Variants in GMDS observed in about 807,000 individuals in gnomAD.
The protein encoded by GMDS is GDP-mannose 4,6 dehydratase.
A neutral mutation model predicts 49.9 loss-of-function variants in GMDS; 20 were observed. The observed-to-expected ratio is 0.40, with a 90% confidence interval of 0.28 to 0.58. The LOEUF is 0.58. Among genes scored for constraint, GMDS ranks in the 20% least tolerant of loss-of-function variants. The pLI is 0.42. For missense variants in GMDS, 362 were observed against 481.4 expected (o/e 0.75, Z 2.32); for synonymous variants, 177 against 178.6 (o/e 0.99, Z 0.07).
chr6:2,152,941 G>A (rs757461568), intron 1 of GMDS, among the ~76,000 whole-genome samples: 7 of 152,118 alleles, frequency 4.6e-5, no homozygotes, highest in Non-Finnish European at 8.8e-5. Flanking sequence ...TTAGCCAGGC[G>A]TGGTGGTGGG....
chr6:1,894,909 CT>C, intron 7 of GMDS, among the ~76,000 whole-genome samples: 1 of 152,288 alleles, frequency 6.6e-6, no homozygotes, highest in East Asian at 1.9e-4. Flanking sequence ...TACTGAAAAT[CT>C]TACCCTCAAA....
chr6:2,127,623 G>C (rs540920224), intron 1 of GMDS, among the ~76,000 whole-genome samples: 3 of 152,330 alleles, frequency 2.0e-5, no homozygotes, highest in African/African-American at 7.2e-5. Flanking sequence ...TTCCTTGCCA[G>C]GCCTCTCGAG....
intron 7 of GMDS, among the ~76,000 whole-genome samples, chr6:1,846,824 T>G (rs1052921298): frequency 2.6e-5 from 4 of 152,150 alleles, no homozygotes; most frequent in African/African-American, 9.7e-5. Flanking sequence ...ACTTAGAACA[T>G]TTATGTACAG....
At chr6:1,854,657 T>C (rs957134580) in intron 7 of GMDS, among the ~76,000 whole-genome samples, 1 of 152,186 alleles carries the variant, frequency 6.6e-6, no homozygotes, top group African/African-American at 2.4e-5. Context: ...GCCATTCTCA[T>C]TCAGCATGTG....
intron 1 of GMDS, among the ~76,000 whole-genome samples, chr6:2,233,499 G>C (rs535273380): frequency 2.0e-5 from 3 of 152,290 alleles, no homozygotes; most frequent in African/African-American, 7.2e-5. Context: ...AAGTAAACAG[G>C]TGTTCTATGC....
chr6:1,970,427 C>T (rs952252458), intron 4 of GMDS, among the ~76,000 whole-genome samples: 26 of 152,232 alleles, frequency 1.7e-4, no homozygotes, highest in African/African-American at 6.0e-4. Context: ...GCCCCCGCCC[C>T]GCTCCAGAGC....
At chr6:2,068,533 A>C (rs539597651) in intron 4 of GMDS, among the ~76,000 whole-genome samples, 3,729 of 152,164 alleles carry the variant, frequency 0.025, 140 homozygotes, top group African/African-American at 0.084. Context: ...TCTCAGCCCA[A>C]AATCTCCTTA....
At position 2,178,517 on chromosome 6, in the gene GMDS, C is replaced by A. The variant is rs536110244; in HGVS notation, c.103-53786G>T. On this transcript the variant is annotated intron_variant, in intron 1 of 10. Coordinates refer to ENST00000380815, the MANE Select transcript of GMDS (RefSeq NM_001500.4). ...TGAAAGCCATTCATGAAAGATCCACCCCCATGATCCAATCACCTCCCAGTA... is the reference window on the plus strand; with the variant it reads ...TGAAAGCCATTCATGAAAGATCCACACCCATGATCCAATCACCTCCCAGTA... Among the ~76,000 whole-genome samples, 154 of 152,248 alleles carry A rather than the reference C, an allele frequency of 1.0e-3. 2 individuals are homozygous for A. Among genetic ancestry groups the A allele is most frequent in the African/African-American group, 3.5e-3 (146 of 41,556 alleles).
At chr6:1,972,311 C>G (rs1764666552) in intron 4 of GMDS, among the ~76,000 whole-genome samples, 1 of 148,540 alleles carries the variant, frequency 6.7e-6, no homozygotes, top group South Asian at 2.1e-4. Flanking sequence ...CTTTGTGACC[C>G]CAATTATCAG....
intron 1 of GMDS, among the ~76,000 whole-genome samples, chr6:2,151,291 C>CTATAT (rs1776831170): frequency 1.4e-5 from 2 of 138,440 alleles, no homozygotes; most frequent in South Asian, 5.5e-4. Flanking sequence ...ACCCATAAAT[C>CTATAT]ACTTAATATG....
At chr6:2,229,400 T>C (rs558272220) in intron 1 of GMDS, among the ~76,000 whole-genome samples, 5 of 135,094 alleles carry the variant, frequency 3.7e-5, no homozygotes, top group South Asian at 4.9e-4. Flanking sequence ...AGAGAGACCC[T>C]GTTTCTACAA....
At chr6:2,209,570 TAC>T (rs61216869) in intron 1 of GMDS, among the ~76,000 whole-genome samples, 35,122 of 135,526 alleles carry the variant, frequency 0.26, 4,374 homozygotes, top group East Asian at 0.5. Context: ...CACATACACA[TAC>T]ACACACACAC....
intron 7 of GMDS, among the ~76,000 whole-genome samples, chr6:1,790,351 C>T (rs1769486737): frequency 6.6e-6 from 1 of 152,160 alleles, no homozygotes; most frequent in Non-Finnish European, 1.5e-5. Context: ...ATGGTCTTAC[C>T]ACAGCCCAGT....
chr6:1,734,750 C>G (rs774424507), intron 8 of GMDS, among the ~76,000 whole-genome samples: 1 of 152,230 alleles, frequency 6.6e-6, no homozygotes, highest in Non-Finnish European at 1.5e-5. Flanking sequence ...CCCCTCTAAA[C>G]AGCCTTTTCT....
chr6:1,812,757 G>A (rs1371537721), intron 7 of GMDS, among the ~76,000 whole-genome samples: 1 of 152,210 alleles, frequency 6.6e-6, no homozygotes, highest in Non-Finnish European at 1.5e-5. Flanking sequence ...CAGTCTCATT[G>A]AAGAGGAGGT....
At chr6:1,945,349 A>G (rs1214393719) in intron 6 of GMDS, among the ~76,000 whole-genome samples, 1 of 152,136 alleles carries the variant, frequency 6.6e-6, no homozygotes, top group Non-Finnish European at 1.5e-5. Context: ...CCAGAGCAGC[A>G]GCAGAGACTG....
rs976841165 is a variant in GMDS at position 1,766,909 on chromosome 6, C to A, written c.772-24323G>T. 6.6e-6 allele frequency among the ~76,000 whole-genome samples: 1 copy of A among 152,232 alleles called. No homozygotes were observed. The highest frequency in any genetic ancestry group is 1.5e-5 in the Non-Finnish European group (1 of 68,050). On this transcript the variant is annotated intron_variant, in intron 7 of 10. Transcript: ENST00000380815. This position sits in a 1 kb window ranked among gnomAD's most constrained non-coding sequence, Gnocchi z 4.5. ...AGCTCAGCAATCTGGCTTAAAGGAG[C>A]ACCGGGTAAGGGTTCTTTATTTCCT... is the stretch of plus-strand genomic sequence containing the variant.
intron 1 of GMDS, among the ~76,000 whole-genome samples, chr6:2,143,198 G>A (rs558403240): frequency 3.3e-5 from 5 of 152,274 alleles, no homozygotes; most frequent in Admixed American, 6.5e-5. Context: ...CAGCAGACAC[G>A]CCAATGCCCT....
chr6:1,857,574 T>C (rs141541832), intron 7 of GMDS, among the ~76,000 whole-genome samples: 197 of 152,312 alleles, frequency 1.3e-3, no homozygotes, highest in African/African-American at 4.1e-3. Context: ...ATGCCTCTTA[T>C]GGTTAAATAT....
Sources: allele counts gnomAD v4.1 joint callset (sites outside exome capture counted in the v4.1 genomes callset), GRCh38; gene constraint gnomAD v4.1.1; non-coding constraint Gnocchi (gnomAD v3.1); transcripts MANE v1.5; gene names NCBI Gene and HGNC (gene_info 2026-07-23, HGNC 2026-07-21).